DSCAM: variants seen among roughly 807,000 people sequenced by gnomAD.
DSCAM encodes the protein DS cell adhesion molecule.
DSCAM carries 47 observed loss-of-function variants against 217.7 expected under a neutral mutation model. The ratio of observed to expected loss-of-function variants is 0.22; its 90% CI spans 0.17 to 0.28. DSCAM has a LOEUF of 0.28. Among genes scored for constraint, DSCAM ranks in the 10% least tolerant of loss-of-function variants. The probability of loss-of-function intolerance (pLI) is 1.00; values close to 1 mark genes in which losing one functional copy is unlikely to be tolerated. For synonymous variants in DSCAM, 1,056 were observed against 1,015.3 expected, an observed-to-expected ratio of 1.04 and a Z score of -0.76; for missense variants, 2,080 against 2,618.3, an observed-to-expected ratio of 0.79 and a Z score of 4.49.
intron 10 of DSCAM, among the ~76,000 whole-genome samples, chr21:40,280,673 G>C (rs147093505): frequency 1.6e-3 from 250 of 152,242 alleles, no homozygotes; most frequent in African/African-American, 5.5e-3. Context: ...AGAGATTACG[G>C]ACTTTCTAAT....
At chr21:40,765,367 C>A (rs182629812) in intron 1 of DSCAM, among the ~76,000 whole-genome samples, 1 of 133,120 alleles carries the variant, frequency 7.5e-6, no homozygotes, top group African/African-American at 2.5e-5. Context: ...CCTCTGCTTC[C>A]GTGGGGCCTT....
intron 8 of DSCAM, among the ~76,000 whole-genome samples, chr21:40,323,585 TA>T (rs536071493): frequency 1.3e-5 from 2 of 152,132 alleles, no homozygotes; most frequent in Admixed American, 1.3e-4. Flanking sequence ...CTCACTAACT[TA>T]AAAAAAATGC....
At chr21:40,603,687 G>C (rs945587038) in intron 3 of DSCAM, among the ~76,000 whole-genome samples, 2 of 152,000 alleles carry the variant, frequency 1.3e-5, no homozygotes, top group African/African-American at 4.8e-5. Context: ...TATGTAGACA[G>C]AGAATTCTAT....
chr21:40,841,883 G>A (rs1569063720), intron 1 of DSCAM, among the ~76,000 whole-genome samples: 1 of 152,204 alleles, frequency 6.6e-6, no homozygotes. Context: ...CTGTGAATAC[G>A]GTCCTCCGCT....
intron 16 of DSCAM, among the ~76,000 whole-genome samples, chr21:40,148,819 A>G (rs2090388212): frequency 6.6e-6 from 1 of 152,118 alleles, no homozygotes; most frequent in Non-Finnish European, 1.5e-5. Context: ...TACCACTGAC[A>G]TCACCAACAT....
chr21:40,025,995 T>C, intron 32 of DSCAM, among the ~76,000 whole-genome samples: 1 of 145,138 alleles, frequency 6.9e-6, no homozygotes, highest in Non-Finnish European at 1.5e-5. Flanking sequence ...TCCTGCTTTC[T>C]CTTGTGGGCA....
intron 3 of DSCAM, among the ~76,000 whole-genome samples, chr21:40,374,318 C>T (rs1482700140): frequency 6.6e-6 from 1 of 152,202 alleles, no homozygotes; most frequent in Non-Finnish European, 1.5e-5. Flanking sequence ...CCTTTGTGAG[C>T]CAGACAGGGA....
At chr21:40,791,594 A>G (rs560856307) in intron 1 of DSCAM, among the ~76,000 whole-genome samples, 1 of 152,320 alleles carries the variant, frequency 6.6e-6, no homozygotes, top group Admixed American at 6.5e-5. Context: ...TGGAGCTTGC[A>G]GTGAGCCGAG....
chr21:40,016,737 T>C lies in DSCAM; in HGVS notation c.5687-3351A>G, dbSNP rs907502087. 2.6e-5 allele frequency among the ~76,000 whole-genome samples: 4 copies of C among 152,192 alleles called. No individual in the cohort carries two copies. Among genetic ancestry groups the C allele is most frequent in the African/African-American group, 7.2e-5 (3 of 41,448 alleles). On this transcript the variant is annotated intron_variant, in intron 32 of 32. Coordinates refer to ENST00000400454, the MANE Select transcript of DSCAM (RefSeq NM_001389.5). The surrounding 1 kb of genome is among the most constrained non-coding windows in gnomAD (Gnocchi z 4.3). ...TGCTAGCGGGGCAATGAAAGTGATA[T>C]GTGTTTAGACAGTGTTTAAAGCCTG...
At chr21:40,431,749 G>A (rs1037397416) in intron 3 of DSCAM, among the ~76,000 whole-genome samples, 1 of 152,140 alleles carries the variant, frequency 6.6e-6, no homozygotes, top group South Asian at 2.1e-4. Flanking sequence ...GAAGTTTTGG[G>A]GAGTAAAATG....
intron 4 of DSCAM, among the ~76,000 whole-genome samples, chr21:40,367,764 A>G (rs2074849393): frequency 6.6e-6 from 1 of 152,076 alleles, no homozygotes; most frequent in Admixed American, 6.5e-5. Context: ...GCTCAGTCTT[A>G]TTCCTTGGCT....
intron 3 of DSCAM, among the ~76,000 whole-genome samples, chr21:40,548,342 G>T (rs13047873): frequency 0.57 from 86,045 of 151,786 alleles, 24,563 homozygotes; most frequent in East Asian, 0.67. Context: ...AAGGGGGTTC[G>T]GCTTGGTACT....
At chr21:40,521,673 T>A (rs2076360342) in intron 3 of DSCAM, among the ~76,000 whole-genome samples, 1 of 152,136 alleles carries the variant, frequency 6.6e-6, no homozygotes, top group Non-Finnish European at 1.5e-5. Context: ...CTAAAGTCAA[T>A]CTTATAAAAA....
Position 40,498,674 on chromosome 21 carries a change from TATATATATATATATATATATATAG to T in DSCAM, c.509-129453_509-129430del, listed in dbSNP as rs1417905697. Among the ~76,000 whole-genome samples the T allele has an allele frequency of 4.2e-3, 32 of 7,692 alleles. 2 individuals carry two copies. The East Asian group carries it at 0.068, about 16-fold the overall frequency. The allele number at this position is 7,692 out of a possible 152,430, so 5.0% of individuals were successfully genotyped here. A position where few individuals can be genotyped will look rare whatever the true frequency, so the allele number is the denominator to read the frequency against. On this transcript the variant is annotated intron_variant, in intron 3 of 32. Coordinates refer to ENST00000400454, the MANE Select transcript of DSCAM (RefSeq NM_001389.5). ...GTGTGTGTATATATATACCCATATA[TATATATATATATATATATATATAG>T]ATATATATATATGGGTGTATATATA...
chr21:40,681,835 G>T (rs1313223733), intron 3 of DSCAM, among the ~76,000 whole-genome samples: 1 of 152,100 alleles, frequency 6.6e-6, no homozygotes, highest in Non-Finnish European at 1.5e-5. Flanking sequence ...GTCGCTAGAG[G>T]GAGGGACTGG....
intron 1 of DSCAM, among the ~76,000 whole-genome samples, chr21:40,832,544 G>C (rs1231528459): frequency 6.6e-6 from 1 of 152,142 alleles, no homozygotes; most frequent in East Asian, 1.9e-4. Context: ...GGGTTCTTAG[G>C]ATGCGGGAAG....
chr21:40,346,479 T>C (rs1381756541), intron 6 of DSCAM, among the ~76,000 whole-genome samples: 1 of 151,858 alleles, frequency 6.6e-6, no homozygotes, highest in Non-Finnish European at 1.5e-5. Context: ...TTAGGCTATA[T>C]CAAAATCATT....
chr21:40,017,563 CA>C lies in DSCAM; in HGVS notation c.5687-4178del, dbSNP rs1338079025. Among the ~76,000 whole-genome samples the C allele has an allele frequency of 5.9e-3, 560 of 95,544 alleles. 4 individuals carry two copies. Among genetic ancestry groups the C allele is most frequent in the African/African-American group, 0.025 (526 of 20,724 alleles). The allele number at this position is 95,544 out of a possible 152,430, so 62.7% of individuals were successfully genotyped here. A position where few individuals can be genotyped will look rare whatever the true frequency, so the allele number is the denominator to read the frequency against. On this transcript the variant is annotated intron_variant, in intron 32 of 32. Coordinates refer to ENST00000400454, the MANE Select transcript of DSCAM (RefSeq NM_001389.5). ...TACCTAGACAATAAATGGGCCATAA[CA>C]TTTTTTTTTTTTTTGAGATGGAGTT...
chr21:40,187,285 A>G (rs750111959), intron 13 of DSCAM, 26 bp from the exon 14 acceptor site: 22 of 1,612,484 alleles, frequency 1.4e-5, no homozygotes, highest in Non-Finnish European at 1.8e-5. Flanking sequence ...AAAGACTACG[A>G]GTTAGTTCAA....
Sources: allele counts gnomAD v4.1 joint callset (sites outside exome capture counted in the v4.1 genomes callset), GRCh38; gene constraint gnomAD v4.1.1; non-coding constraint Gnocchi (gnomAD v3.1); transcripts MANE v1.5; gene names NCBI Gene and HGNC (gene_info 2026-07-23, HGNC 2026-07-21).